CHODL: variants seen among roughly 807,000 people sequenced by gnomAD.
CHODL encodes the protein transmembrane protein MT75.
Under a neutral mutation model 34.5 loss-of-function variants are expected in CHODL, and 29 were observed. That is an observed-to-expected ratio of 0.84 (90% CI 0.63 to 1.15). The LOEUF (loss-of-function observed/expected upper bound fraction) is 1.15, where lower values mean the gene tolerates loss of function less well. CHODL is among the 50% of genes most tolerant of loss of function. The probability of loss-of-function intolerance (pLI) is 0.00; values close to 1 mark genes in which losing one functional copy is unlikely to be tolerated. For synonymous variants in CHODL, 125 were observed against 116.1 expected, an observed-to-expected ratio of 1.08 and a Z score of -0.49; for missense variants, 332 against 332.5, an observed-to-expected ratio of 1.00 and a Z score of 0.01.
intron 1 of CHODL, among the ~76,000 whole-genome samples, chr21:18,007,442 T>C (rs971819926): frequency 2.6e-5 from 4 of 152,234 alleles, no homozygotes; most frequent in Non-Finnish European, 5.9e-5. Flanking sequence ...CTCGTCAAAC[T>C]GATAGTCTGG....
chr21:18,182,088 A>G (rs1388177257), intron 2 of CHODL, among the ~76,000 whole-genome samples: 1 of 152,132 alleles, frequency 6.6e-6, no homozygotes, highest in Non-Finnish European at 1.5e-5. Context: ...ATACCCTAGG[A>G]ACAGAATTGC....
rs989777342 is a variant in CHODL, at chr21:18,266,935, T to C, written c.*897T>C. 3 of 152,320 alleles carry C rather than the reference T, an allele frequency of 2.0e-5. No individual in the cohort carries two copies. Among genetic ancestry groups the C allele is most frequent in the Non-Finnish European group, 4.4e-5 (3 of 68,058 alleles). 9.4% of individuals were successfully genotyped at this position (152,320 alleles called of 1,614,324 possible). A position where few individuals can be genotyped will look rare whatever the true frequency, so the allele number is the denominator to read the frequency against. On this transcript the variant is annotated 3_prime_UTR_variant, in exon 6 of 6. Coordinates refer to ENST00000299295, the MANE Select transcript of CHODL (RefSeq NM_024944.3). ...AGCTCTCTGAGGGTTCTGAAATCAA[T>C]GTGGTCCCTCTCTTGCCCACTAAAC...
intron 2 of CHODL, among the ~76,000 whole-genome samples, chr21:18,084,129 T>C (rs2064974929): frequency 6.6e-6 from 1 of 152,212 alleles, no homozygotes; most frequent in Non-Finnish European, 1.5e-5. Context: ...TGAGTTGTCA[T>C]GAGATATGGT....
chr21:18,192,602 G>T (rs968441986), intron 2 of CHODL, among the ~76,000 whole-genome samples: 1 of 151,954 alleles, frequency 6.6e-6, no homozygotes, highest in African/African-American at 2.4e-5. Context: ...TTTTAACTTG[G>T]ACATATCATT....
intron 2 of CHODL, among the ~76,000 whole-genome samples, chr21:18,143,741 T>C (rs2072831251): frequency 6.6e-6 from 1 of 152,110 alleles, no homozygotes; most frequent in South Asian, 2.1e-4. Flanking sequence ...TTGGCCATTA[T>C]TATAACTCAA....
At position 17,919,391 on chromosome 21, in the gene CHODL, G is replaced by A. The variant is rs140857534; in HGVS notation, c.-145+1991G>A. On this transcript the variant is annotated intron_variant, in intron 1 of 6. Coordinates refer to the CHODL transcript ENST00000400127. ...TCTCAAACTTCAATTCTTGACCTCT[G>A]TGCACCTGCAGACTCAATACCACGT... Among the ~76,000 whole-genome samples the A allele has an allele frequency of 8.0e-3, 1,217 of 152,234 alleles. 19 individuals are homozygous for A. The highest frequency in any genetic ancestry group is 0.027 in the African/African-American group (1,121 of 41,524).
chr21:17,950,340 A>C (rs554085689), intron 1 of CHODL, among the ~76,000 whole-genome samples: 1 of 152,224 alleles, frequency 6.6e-6, no homozygotes, highest in South Asian at 2.1e-4. Context: ...TACAAAATAG[A>C]TGGAGATTAA....
At chr21:18,201,799 ACTT>A (rs1247665635) in intron 2 of CHODL, among the ~76,000 whole-genome samples, 25 of 138,334 alleles carry the variant, frequency 1.8e-4, no homozygotes, top group African/African-American at 6.4e-4. Context: ...ATTTTTAAAA[ACTT>A]TTTTTTTTTT....
At chr21:18,262,287 T>C (rs1267170887) in intron 4 of CHODL, among the ~76,000 whole-genome samples, 4 of 152,144 alleles carry the variant, frequency 2.6e-5, no homozygotes, top group South Asian at 2.1e-4. Flanking sequence ...TGGGGACATG[T>C]TCTGAGAAAT....
At chr21:18,001,059 A>T (rs1422039691) in intron 1 of CHODL, among the ~76,000 whole-genome samples, 1 of 152,202 alleles carries the variant, frequency 6.6e-6, no homozygotes, top group East Asian at 1.9e-4. Flanking sequence ...AGAGTCCAGG[A>T]TAGGCCAGGT....
At chr21:17,982,666 A>G (rs2063722902) in intron 1 of CHODL, among the ~76,000 whole-genome samples, 1 of 148,996 alleles carries the variant, frequency 6.7e-6, no homozygotes, top group Non-Finnish European at 1.5e-5. Flanking sequence ...CAGATAAAGC[A>G]TGCACTATAA....
chr21:17,959,917 A>G (rs1278488036), intron 1 of CHODL, among the ~76,000 whole-genome samples: 2 of 152,172 alleles, frequency 1.3e-5, no homozygotes, highest in African/African-American at 4.8e-5. Context: ...CCTTTAGAAG[A>G]TATTAGTTGC....
chr21:18,191,817 G>A (rs973528528), intron 2 of CHODL, among the ~76,000 whole-genome samples: 4 of 152,172 alleles, frequency 2.6e-5, no homozygotes, highest in African/African-American at 9.7e-5. Context: ...GGGAGAAATA[G>A]GGAGTTGTTT....
At chr21:18,221,755 G>T (rs1392584994) in intron 2 of CHODL, among the ~76,000 whole-genome samples, 3 of 152,192 alleles carry the variant, frequency 2.0e-5, no homozygotes, top group Non-Finnish European at 1.5e-5. Flanking sequence ...CAGGACCCTA[G>T]ATGGCACTTA....
At chr21:17,948,704 T>C (rs189459116) in intron 1 of CHODL, among the ~76,000 whole-genome samples, 204 of 152,092 alleles carry the variant, frequency 1.3e-3, no homozygotes, top group African/African-American at 4.8e-3. Flanking sequence ...GACTGAATCA[T>C]GAAGAAATAG....
At chr21:18,029,625 G>C (rs2064224000) in intron 2 of CHODL, among the ~76,000 whole-genome samples, 1 of 151,842 alleles carries the variant, frequency 6.6e-6, no homozygotes, top group South Asian at 2.1e-4. Flanking sequence ...TTTATTTCTA[G>C]TCATCTAGAA....
intron 2 of CHODL, among the ~76,000 whole-genome samples, chr21:18,124,813 C>A (rs73198588): frequency 0.068 from 10,405 of 152,238 alleles, 391 homozygotes; most frequent in Middle Eastern, 0.12. Context: ...CTTACTATAT[C>A]CGGTGATTTC....
At chr21:18,264,212 T>C (rs1362356371) in intron 5 of CHODL, among the ~76,000 whole-genome samples, 1 of 152,106 alleles carries the variant, frequency 6.6e-6, no homozygotes, top group East Asian at 1.9e-4. Context: ...CTGTGAGGAC[T>C]GAGGCAGATG....
At chr21:18,243,852 G>C (rs1302139603), upstream of CHODL, among the ~76,000 whole-genome samples, 3 of 152,294 alleles carry the variant, frequency 2.0e-5, no homozygotes, top group African/African-American at 7.2e-5. Flanking sequence ...AAAGACAGGA[G>C]GAAGTTAGAG....
Sources: allele counts gnomAD v4.1 joint callset (sites outside exome capture counted in the v4.1 genomes callset), GRCh38; gene constraint gnomAD v4.1.1; transcripts MANE v1.5; gene names NCBI Gene and HGNC (gene_info 2026-07-23, HGNC 2026-07-21).